Variants in PLIN4 observed in about 807,000 individuals in gnomAD.
The protein encoded by PLIN4 is perilipin 4, also known as perilipin-4.
In PLIN4, 57 loss-of-function variants were observed where a neutral mutation model predicts 52.4. The ratio of observed to expected loss-of-function variants is 1.09; its 90% CI spans 0.88 to 1.36. The LOEUF is 1.36. Among genes scored for constraint, PLIN4 ranks in the 40% most tolerant of loss-of-function variants. The pLI is 0.00. For synonymous variants in PLIN4, 826 were observed against 785.4 expected (o/e 1.05, Z -0.86); for missense variants, 1,757 against 1,770.3 (o/e 0.99, Z 0.13).
chr19:4,517,456 G>A (rs1976615325), intron 3 of PLIN4, 98 bp downstream of exon 3: 4 of 1,417,692 alleles, frequency 2.8e-6, no homozygotes, highest in Non-Finnish European at 3.8e-6. Context: ...CAAATATGGA[G>A]GACTCCCCAA....
intron 6 of PLIN4, among the ~76,000 whole-genome samples, chr19:4,505,759 C>G (rs1325101325): frequency 6.6e-6 from 1 of 152,064 alleles, no homozygotes; most frequent in Non-Finnish European, 1.5e-5. Flanking sequence ...CCTCGCCGCG[C>G]CAGTGCTGGA....
chr19:4,511,276 T>C lies in PLIN4; in HGVS notation c.2684A>G (p.Lys895Arg). Residue 895 changes from lysine to arginine, a missense_variant, in exon 5 of 8, where the codon AAA (lysine) becomes AGA (arginine). By Grantham distance (26) the Lys-to-Arg change is conservative. Around this residue, in one of 7 missense-constraint regions of PLIN4, gnomAD observed 76 missense variants for 109.1 expected, o/e 0.70. Coordinates refer to ENST00000301286, the MANE Select transcript of PLIN4 (RefSeq NM_001367868.2). The part of the protein sequence containing the change: ...DTTKSVLTGT[K>R]DAVSTGLTGA... ...TGTGAGCCCAGTGGACACGGCATCT[T>C]TAGTGCCAGTCAGGACAGACTTTGT... 1 of 1,610,238 alleles carries C rather than the reference T, an allele frequency of 6.2e-7. No individual in the cohort carries two copies. The highest frequency in any genetic ancestry group is 1.7e-4 in the Middle Eastern group (1 of 6,044).
rs533155105 is a variant in PLIN4 at position 4,517,713 on chromosome 19, G to C, written c.52-15C>G. ...CTGCCCAGGGTCTGCATGGGGGCGG[G>C]GGGTGTGCAGGATGAGCAGGCCAAG... On this transcript the variant is annotated splice_polypyrimidine_tract_variant and intron_variant, in intron 2 of 7. Coordinates refer to ENST00000301286, the MANE Select transcript of PLIN4 (RefSeq NM_001367868.2). The C allele has an allele frequency of 1.1e-5, 17 of 1,571,414 alleles. No homozygotes were observed. Among genetic ancestry groups the C allele is most frequent in the Non-Finnish European group, 4.3e-6 (5 of 1,158,870 alleles).
Position 4,510,732 on chromosome 19 carries a change from A to G in PLIN4, c.3228T>C (p.Gly1076=), listed in dbSNP as rs1015503627. The G allele has an allele frequency of 6.5e-7, 1 of 1,546,610 alleles. No homozygotes were observed. Among genetic ancestry groups the G allele is most frequent in the African/African-American group, 1.4e-5 (1 of 72,868 alleles). ...GLTSSRTTDN[G]GEQTALSPQE... is the part of the protein sequence containing the mutation. The stretch of plus-strand genomic sequence containing the variant: ...GGGGGCTCAGGGCAGTCTGCTCCCC[A>G]CCATTGTCTGTGGTCCTGGAACTGG... Residue 1076 remains glycine (G), a synonymous_variant, in exon 5 of 8, where the codon GGT becomes GGC. Transcript: ENST00000301286.
At chr19:4,508,656 C>T (rs950796686) in intron 6 of PLIN4, 112 bp downstream of exon 6, 2 of 1,206,136 alleles carry the variant, frequency 1.7e-6, no homozygotes, top group Admixed American at 5.3e-5. Flanking sequence ...ATTGGTGACG[C>T]TGACAGCATC....
At position 4,504,270 on chromosome 19, in the gene PLIN4, C is replaced by T. The variant is rs897763045; in HGVS notation, c.*189G>A. 1.3e-5 allele frequency: 7 copies of T among 550,450 alleles called. No homozygotes were observed. The highest frequency in any genetic ancestry group is 1.9e-5 in the African/African-American group (1 of 51,852). The allele number at this position is 550,450 out of a possible 1,614,324, so 34.1% of individuals were successfully genotyped here. Reference sequence around the variant, plus strand: ...GTGGGAGATGCAGGCAGGCCCGGAGCAGGGCGTGGGGTGGCTCAGTTAAGA... The same window carrying T: ...GTGGGAGATGCAGGCAGGCCCGGAGTAGGGCGTGGGGTGGCTCAGTTAAGA... On this transcript the variant is annotated 3_prime_UTR_variant, in exon 8 of 8. Coordinates refer to ENST00000301286, the MANE Select transcript of PLIN4 (RefSeq NM_001367868.2).
At chr19:4,505,024 AG>A in intron 6 of PLIN4, 77 bp from the exon 7 acceptor site, 2 of 1,369,256 alleles carry the variant, frequency 1.5e-6, no homozygotes, top group South Asian at 2.5e-5. Flanking sequence ...CCCCTCCCCC[AG>A]GGACCTGGGC....
At position 4,510,611 on chromosome 19, in the gene PLIN4, C is replaced by T; in HGVS notation, c.3349G>A (p.Ala1117Thr). The T allele has an allele frequency of 6.6e-7, 1 of 1,505,158 alleles. No homozygotes were observed. The allele number at this position is 1,505,158 out of a possible 1,614,324, so 93.2% of individuals were successfully genotyped here. The change falls in exon 5 of 8, where the codon GCG becomes ACG. Residue 1117 changes from alanine (A) to threonine (T), a missense_variant. By Grantham distance (58) the Ala-to-Thr change is moderately conservative. This residue lies in a region of PLIN4 where 712 missense variants were observed against 637.1 expected (regional missense o/e 1.12). Transcript: ENST00000301286. ...WEAAATTKGLATDVATFTQGA... is the reference protein window; with the variant it reads ...WEAAATTKGLTTDVATFTQGA... ...TGGGTGAACGTCGCCACGTCAGTCG[C>T]AAGGCCCTTGGTAGTGGCTGCGGCT...
In PLIN4 at chr19:4,504,510, G is replaced by A; in HGVS notation, c.4065C>T (p.Pro1355=). ...EQLLEGLQHN[P]PLSWLVGPFA... ...AGGGCCCTACCAGCCAGCTGAGCGGGGGATTGTGCTGTAGGCCCTCCAGCA... is the reference window on the plus strand; with the variant it reads ...AGGGCCCTACCAGCCAGCTGAGCGGAGGATTGTGCTGTAGGCCCTCCAGCA... Residue 1355 remains proline (P), a synonymous_variant, in exon 8 of 8, where the codon CCC becomes CCT. Transcript: ENST00000301286. The A allele has an allele frequency of 6.2e-7, 1 of 1,600,736 alleles. No individual in the cohort carries two copies. The highest frequency in any genetic ancestry group is 8.5e-7 in the Non-Finnish European group (1 of 1,172,946).
intron 6 of PLIN4, 126 bp from the exon 7 acceptor site, chr19:4,505,073 G>A: frequency 1.2e-6 from 1 of 855,604 alleles, no homozygotes; most frequent in South Asian, 1.5e-5. Flanking sequence ...CGAGTTCCAA[G>A]TCAGTTGTAC....
At chr19:4,507,222 G>A (rs890060090) in intron 6 of PLIN4, among the ~76,000 whole-genome samples, 6 of 152,370 alleles carry the variant, frequency 3.9e-5, no homozygotes, top group South Asian at 2.1e-4. Context: ...GACCGAGGGC[G>A]GCATCTCAAG....
intron 6 of PLIN4, among the ~76,000 whole-genome samples, chr19:4,506,792 A>C (rs1976108048): frequency 6.6e-6 from 1 of 152,278 alleles, no homozygotes; most frequent in Non-Finnish European, 1.5e-5. Context: ...GCGTGCTGCG[A>C]GGGTGGGCCC....
In PLIN4 at chr19:4,512,094, G is replaced by A. The variant is rs767490067; in HGVS notation, c.1866C>T (p.Thr622=). The change falls in exon 5 of 8, where the codon ACC becomes ACT. Residue 622 remains threonine, a synonymous_variant. Coordinates refer to ENST00000301286, the MANE Select transcript of PLIN4 (RefSeq NM_001367868.2). ...AKGTVQTGMD[T]TKTVLTGTKD... is the part of the protein sequence containing the mutation. ...TGGTACCGGTTAGGACAGTTTTGGT[G>A]GTGTCCATGCCTGTCTGGACGGTCC... 1 of 1,605,700 alleles carries A rather than the reference G, an allele frequency of 6.2e-7. No individual in the cohort carries two copies.
chr19:4,513,680 G>C lies in PLIN4; in HGVS notation c.280C>G (p.Leu94Val). The C allele has an allele frequency of 1.9e-6, 3 of 1,587,174 alleles. No individual in the cohort carries two copies. The highest frequency in any genetic ancestry group is 2.6e-6 in the Non-Finnish European group (3 of 1,165,708). The change falls in exon 5 of 8, where the codon CTG becomes GTG. Residue 94 changes from leucine (L) to valine (V), a missense_variant. Coordinates refer to ENST00000301286, the MANE Select transcript of PLIN4 (RefSeq NM_001367868.2). The stretch of plus-strand genomic sequence containing the variant: ...GCCCTGGACATCTTGGAACACACCA[G>C]GTCTTTGGCCCCGGACACCATCTGC... ...SEKMVSGAKDLVCSKMSRAKD... is the reference protein window; with the variant it reads ...SEKMVSGAKDVVCSKMSRAKD...
At chr19:4,510,012 C>T (rs1368990777) in intron 5 of PLIN4, among the ~76,000 whole-genome samples, 1 of 151,592 alleles carries the variant, frequency 6.6e-6, no homozygotes, top group Non-Finnish European at 1.5e-5. Flanking sequence ...TTGAGACCAG[C>T]CTGGGCAACA....
At chr19:4,506,944 G>A (rs1236060567) in intron 6 of PLIN4, among the ~76,000 whole-genome samples, 2 of 152,332 alleles carry the variant, frequency 1.3e-5, no homozygotes, top group East Asian at 3.9e-4. Flanking sequence ...GGACAGACTT[G>A]CCCTTGGCAC....
In PLIN4 at chr19:4,510,475, A is replaced by T; in HGVS notation, c.3485T>A (p.Ile1162Asn). 1 of 1,436,806 alleles carries T rather than the reference A, an allele frequency of 7.0e-7. No individual in the cohort carries two copies. Among genetic ancestry groups the T allele is most frequent in the Non-Finnish European group, 9.2e-7 (1 of 1,092,426 alleles). The allele number at this position is 1,436,806 out of a possible 1,614,324, so 89.0% of individuals were successfully genotyped here. ...LQNELEGLGD[I>N]FHPMNAEEQA... ...CTCCTCCGCATTCATGGGGTGGAAG[A>T]TGTCCCCCAGCCCCTCCAACTCATT... The change falls in exon 5 of 8, where the codon ATC becomes AAC. Residue 1162 changes from isoleucine (I) to asparagine (N), a missense_variant. Around this residue, in one of 7 missense-constraint regions of PLIN4, gnomAD observed 712 missense variants for 637.1 expected, o/e 1.12. Coordinates refer to ENST00000301286, the MANE Select transcript of PLIN4 (RefSeq NM_001367868.2).
chr19:4,509,316 A>AAAACAAAAAAACAAACAAACAAAC (rs1976209027), intron 5 of PLIN4, among the ~76,000 whole-genome samples: 3 of 111,880 alleles, frequency 2.7e-5, no homozygotes, highest in South Asian at 7.1e-4. Flanking sequence ...GTCTCAAAAA[A>AAAACAAAAAAACAAACAAACAAAC]AAAAAAAAAG....
chr19:4,517,502 C>A, intron 3 of PLIN4, 52 bp downstream of exon 3: 1 of 1,562,020 alleles, frequency 6.4e-7, no homozygotes. Flanking sequence ...GCTCCTTCTC[C>A]CAGGTCCATG....
Sources: gnomAD v4.1 joint callset for allele counts (sites outside exome capture counted in the v4.1 genomes callset) on GRCh38, gnomAD v4.1.1 for gene constraint, gnomAD v4.1.1 regional missense constraint, MANE v1.5 for transcripts, NCBI Gene and HGNC (gene_info 2026-07-23, HGNC 2026-07-21) for gene names.